PCDH15: variants seen among roughly 807,000 people sequenced by gnomAD.
PCDH15 encodes the protein protocadherin-15.
PCDH15 carries 129 observed loss-of-function variants against 178.5 expected under a neutral mutation model. The observed-to-expected ratio is 0.72, with a 90% CI of 0.63 to 0.84. The LOEUF is 0.84. Ranked by LOEUF, PCDH15 falls within the 40% of genes least tolerant of loss-of-function variation. The probability of loss-of-function intolerance (pLI) is 0.00; values close to 1 mark genes in which losing one functional copy is unlikely to be tolerated. For missense variants in PCDH15, 2,230 were observed against 2,099.9 expected, an observed-to-expected ratio of 1.06 and a Z score of -1.21; for synonymous variants, 800 against 732.0, an observed-to-expected ratio of 1.09 and a Z score of -1.50.
At chr10:54,493,207 T>G (rs957105021) in intron 3 of PCDH15, among the ~76,000 whole-genome samples, 3 of 151,970 alleles carry the variant, frequency 2.0e-5, no homozygotes, top group African/African-American at 7.2e-5. Context: ...AAATGTAGTA[T>G]AAATAGGGTT....
At chr10:55,574,364 C>G (rs1249936258) in intron 2 of PCDH15, among the ~76,000 whole-genome samples, 1 of 152,000 alleles carries the variant, frequency 6.6e-6, no homozygotes, top group Non-Finnish European at 1.5e-5. Context: ...ACCACAATTT[C>G]TAGAGACCAG....
intron 2 of PCDH15, among the ~76,000 whole-genome samples, chr10:55,107,986 G>T (rs1837398105): frequency 6.6e-6 from 1 of 152,128 alleles, no homozygotes; most frequent in Admixed American, 6.6e-5. Context: ...AGGCAATTGG[G>T]TTTGAATAAT....
chr10:54,082,518 C>G (rs2094450096), intron 16 of PCDH15, among the ~76,000 whole-genome samples: 1 of 152,108 alleles, frequency 6.6e-6, no homozygotes, highest in African/African-American at 2.4e-5. Flanking sequence ...ACAAACGGCA[C>G]TGGAACAAAT....
intron 3 of PCDH15, among the ~76,000 whole-genome samples, chr10:54,825,641 T>C (rs1953118303): frequency 6.6e-6 from 1 of 151,596 alleles, no homozygotes; most frequent in Admixed American, 6.6e-5. Context: ...TGAGCATTTT[T>C]TCATGTGTTT....
At chr10:54,573,756 T>C (rs1344911932) in intron 2 of PCDH15, among the ~76,000 whole-genome samples, 2 of 152,132 alleles carry the variant, frequency 1.3e-5, no homozygotes, top group African/African-American at 2.4e-5. Flanking sequence ...CCCTACCCTC[T>C]CTGTGTTTAA....
At chr10:53,813,534 T>A (rs74134792) in intron 35 of PCDH15, among the ~76,000 whole-genome samples, 1 of 152,176 alleles carries the variant, frequency 6.6e-6, no homozygotes, top group Non-Finnish European at 1.5e-5. Flanking sequence ...TTGGTAAAAC[T>A]TTTTAGAATA....
chr10:54,755,018 G>A (rs1436882900), intron 1 of PCDH15, among the ~76,000 whole-genome samples: 1 of 128,768 alleles, frequency 7.8e-6, no homozygotes, highest in Non-Finnish European at 1.6e-5. Flanking sequence ...GCACGATCTT[G>A]GCTCACTGCA....
chr10:55,302,663 A>G (rs993355716), intron 1 of PCDH15, among the ~76,000 whole-genome samples: 1 of 152,118 alleles, frequency 6.6e-6, no homozygotes, highest in African/African-American at 2.4e-5. Context: ...TTAAACGGTT[A>G]TCTCATCTCA....
At chr10:54,586,088 T>C (rs2091444091) in intron 2 of PCDH15, among the ~76,000 whole-genome samples, 1 of 152,164 alleles carries the variant, frequency 6.6e-6, no homozygotes, top group Non-Finnish European at 1.5e-5. Context: ...GACCCAGTTT[T>C]GTAGCATTTG....
chr10:54,712,140 C>A (rs994370742), intron 1 of PCDH15, among the ~76,000 whole-genome samples: 2 of 151,686 alleles, frequency 1.3e-5, no homozygotes, highest in African/African-American at 4.8e-5. Flanking sequence ...TTACAAGGTA[C>A]AATTTAATTA....
intron 6 of PCDH15, among the ~76,000 whole-genome samples, chr10:54,336,354 G>T (rs1941123077): frequency 6.6e-6 from 1 of 152,132 alleles, no homozygotes; most frequent in Non-Finnish European, 1.5e-5. Context: ...ATGTCTCCAG[G>T]GTGTGTCAGA....
intron 13 of PCDH15, among the ~76,000 whole-genome samples, chr10:54,161,793 C>T (rs2045739291): frequency 1.3e-5 from 2 of 152,082 alleles, no homozygotes; most frequent in Non-Finnish European, 2.9e-5. Context: ...TTACCCTACC[C>T]TAATATTTGT....
intron 15 of PCDH15, among the ~76,000 whole-genome samples, chr10:54,108,071 C>T (rs2136220802): frequency 6.6e-6 from 1 of 152,218 alleles, no homozygotes; most frequent in East Asian, 1.9e-4. Flanking sequence ...AGTAGGACAG[C>T]AGTCTACAGT....
Position 54,761,683 on chromosome 10 carries a change from A to AAAAAC in PCDH15, c.-29+39237_-29+39241dup, listed in dbSNP as rs71014416. Among the ~76,000 whole-genome samples the AAAAAC allele has an allele frequency of 4.1e-3, 608 of 150,046 alleles. 1 individual carries two copies. Among genetic ancestry groups the AAAAAC allele is most frequent in the Non-Finnish European group, 5.9e-3 (402 of 67,690 alleles). ...GGGCAACATAGCGAGACTCTGTCTC[A>AAAAAC]AAAACAAAACAAAACAAAACAAAAC... On this transcript the variant is annotated intron_variant, in intron 1 of 37. Coordinates refer to ENST00000644397, the MANE Select transcript of PCDH15 (RefSeq NM_001384140.1).
intron 21 of PCDH15, among the ~76,000 whole-genome samples, chr10:53,969,306 G>GA (rs1213490523): frequency 6.6e-6 from 1 of 152,048 alleles, no homozygotes; most frequent in Non-Finnish European, 1.5e-5. Context: ...GAAGTTTAGA[G>GA]AAAAAAGAAT....
intron 1 of PCDH15, among the ~76,000 whole-genome samples, chr10:54,670,257 A>T (rs954066441): frequency 1.3e-5 from 2 of 152,140 alleles, no homozygotes; most frequent in Non-Finnish European, 2.9e-5. Flanking sequence ...TTAAATATAT[A>T]ATCAACAGTT....
At chr10:55,544,139 CATATATATATATATATAT>C (rs1176456895) in intron 2 of PCDH15, among the ~76,000 whole-genome samples, 4 of 54,348 alleles carry the variant, frequency 7.4e-5, no homozygotes, top group African/African-American at 2.1e-4. Flanking sequence ...CTTATACATA[CATATATATATATATATAT>C]ATATATATAT....
intron 2 of PCDH15, among the ~76,000 whole-genome samples, chr10:55,614,305 C>T (rs968724232): frequency 3.9e-5 from 6 of 152,036 alleles, no homozygotes; most frequent in African/African-American, 1.4e-4. Context: ...TAGAGGTAGA[C>T]AGAGAAAGTG....
At chr10:55,187,874 G>A (rs1199641576) in intron 1 of PCDH15, among the ~76,000 whole-genome samples, 1 of 151,874 alleles carries the variant, frequency 6.6e-6, no homozygotes, top group Non-Finnish European at 1.5e-5. Context: ...TTTGAGAGCT[G>A]GAGAGTCACA....
Sources: gnomAD v4.1 joint callset for allele counts (sites outside exome capture counted in the v4.1 genomes callset) on GRCh38, gnomAD v4.1.1 for gene constraint, MANE v1.5 for transcripts, NCBI Gene and HGNC (gene_info 2026-07-23, HGNC 2026-07-21) for gene names.